Variants in BMPER observed in about 807,000 individuals in gnomAD.
BMPER encodes BMP-binding endothelial regulator protein.
In BMPER, 45 loss-of-function variants were observed where a neutral mutation model predicts 87.3. The ratio of observed to expected loss-of-function variants is 0.52; its 90% CI spans 0.41 to 0.66. The LOEUF (loss-of-function observed/expected upper bound fraction) is 0.66, where lower values mean the gene tolerates loss of function less well. Among genes scored for constraint, BMPER ranks in the 30% least tolerant of loss-of-function variants. BMPER has a pLI of 0.00. For synonymous variants in BMPER, 326 were observed against 316.2 expected, an observed-to-expected ratio of 1.03 and a Z score of -0.33; for missense variants, 784 against 867.5, an observed-to-expected ratio of 0.90 and a Z score of 1.21.
intron 7 of BMPER, among the ~76,000 whole-genome samples, chr7:34,047,707 C>T (rs1305569459): frequency 1.3e-5 from 2 of 151,122 alleles, no homozygotes; most frequent in Non-Finnish European, 2.9e-5. Flanking sequence ...TTAGAATCTC[C>T]AGGGATCCTT....
At chr7:33,988,168 A>G (rs1786065855) in intron 6 of BMPER, among the ~76,000 whole-genome samples, 2 of 151,932 alleles carry the variant, frequency 1.3e-5, no homozygotes, top group African/African-American at 4.8e-5. Context: ...CACATATTGG[A>G]TTATAGGGCT....
intron 13 of BMPER, among the ~76,000 whole-genome samples, chr7:34,140,885 T>C (rs1790848144): frequency 6.6e-6 from 1 of 152,192 alleles, no homozygotes; most frequent in Non-Finnish European, 1.5e-5. Context: ...ATATGTGCCA[T>C]CATTTTACCA....
At chr7:33,911,947 G>A (rs1330569274) in intron 2 of BMPER, among the ~76,000 whole-genome samples, 1 of 152,086 alleles carries the variant, frequency 6.6e-6, no homozygotes, top group Non-Finnish European at 1.5e-5. Context: ...AATAATGATG[G>A]CAAACCCACC....
rs564328018 is a variant in BMPER at position 34,076,800 on chromosome 7, C to G, written c.1079-2057C>G. Among the ~76,000 whole-genome samples, 5 of 152,200 alleles carry G rather than the reference C, an allele frequency of 3.3e-5. No homozygotes were observed. The East Asian group carries it at 9.7e-4, about 29-fold the overall frequency. ...GATTGCCACAGGAGAGTGTGGGCAGCAGGTTGTGGGCATTCCCTGTGCCTG... is the reference window on the plus strand; with the variant it reads ...GATTGCCACAGGAGAGTGTGGGCAGGAGGTTGTGGGCATTCCCTGTGCCTG... On this transcript the variant is annotated intron_variant, in intron 11 of 14. Transcript: ENST00000649409.
chr7:34,143,216 T>C lies in BMPER; in HGVS notation c.1746-14T>C, dbSNP rs764633391. ...TATTTTTAAATGTTTCTATCTCTCT[T>C]TTGGGTCCTATAGGTCCTGTGTGAC... On this transcript the variant is annotated splice_polypyrimidine_tract_variant and intron_variant, in intron 13 of 14. Transcript: ENST00000649409. 2.4e-5 allele frequency: 39 copies of C among 1,613,708 alleles called. No individual in the cohort carries two copies. The highest frequency in any genetic ancestry group is 3.3e-5 in the Admixed American group (2 of 59,980).
intron 6 of BMPER, among the ~76,000 whole-genome samples, chr7:34,026,918 G>C (rs1787372564): frequency 6.6e-6 from 1 of 152,114 alleles, no homozygotes; most frequent in Non-Finnish European, 1.5e-5. Flanking sequence ...GCCCATATTT[G>C]GCTGGCTCCG....
At chr7:33,908,947 A>G (rs1783885561) in intron 2 of BMPER, among the ~76,000 whole-genome samples, 5 of 152,158 alleles carry the variant, frequency 3.3e-5, no homozygotes, top group Admixed American at 2.6e-4. Flanking sequence ...ACTCTTGTAC[A>G]TTTCCACGAA....
chr7:33,946,834 A>G (rs1291899356), intron 3 of BMPER, among the ~76,000 whole-genome samples: 1 of 152,176 alleles, frequency 6.6e-6, no homozygotes, highest in African/African-American at 2.4e-5. Context: ...GTGTGCATGC[A>G]TTTGCGTTCC....
chr7:34,140,103 T>C (rs921530850), intron 13 of BMPER, among the ~76,000 whole-genome samples: 1 of 152,244 alleles, frequency 6.6e-6, no homozygotes. Flanking sequence ...GTTCTGGATC[T>C]GTGATCAGCC....
At chr7:34,145,327 A>G (rs1790988840) in intron 14 of BMPER, among the ~76,000 whole-genome samples, 1 of 152,072 alleles carries the variant, frequency 6.6e-6, no homozygotes, top group African/African-American at 2.4e-5. Context: ...CTCTGACTCC[A>G]TTTTGGTTGC....
chr7:34,137,211 T>C (rs553803716), intron 13 of BMPER, among the ~76,000 whole-genome samples: 12 of 152,294 alleles, frequency 7.9e-5, no homozygotes, highest in Non-Finnish European at 1.5e-4. Flanking sequence ...AAAATTCCTC[T>C]GGAGACAGGA....
upstream of BMPER, chr7:33,905,218 C>G (rs1409009984): frequency 6.5e-6 from 2 of 308,008 alleles, no homozygotes; most frequent in African/African-American, 4.5e-5. Flanking sequence ...GCAGCCCGGG[C>G]GGCGGCTGAG....
At chr7:34,150,113 C>T (rs1241420283) in intron 14 of BMPER, among the ~76,000 whole-genome samples, 1 of 152,104 alleles carries the variant, frequency 6.6e-6, no homozygotes, top group Non-Finnish European at 1.5e-5. Context: ...GACCTACAAC[C>T]AACGCTGAAA....
chr7:34,132,135 G>A (rs780185292), intron 13 of BMPER, among the ~76,000 whole-genome samples: 2 of 152,128 alleles, frequency 1.3e-5, no homozygotes, highest in Middle Eastern at 3.2e-3. Context: ...CTGCCTCTTC[G>A]AGTAGATTAT....
chr7:34,129,605 AGAGAAAGAGAGAG>A (rs1562761998), intron 13 of BMPER, among the ~76,000 whole-genome samples: 1,235 of 117,524 alleles, frequency 0.011, 12 homozygotes, highest in African/African-American at 0.02. Flanking sequence ...AGAGAGAGAG[AGAGAAAGAGAGAG>A]AGAGAGAAAG....
chr7:33,997,838 C>A (rs1226395163), intron 6 of BMPER, among the ~76,000 whole-genome samples: 1 of 152,154 alleles, frequency 6.6e-6, no homozygotes, highest in East Asian at 1.9e-4. Flanking sequence ...AATGAAGGAG[C>A]CAGATATGCT....
chr7:34,083,425 C>G (rs1297384334), intron 12 of BMPER, among the ~76,000 whole-genome samples: 2 of 152,178 alleles, frequency 1.3e-5, no homozygotes, highest in African/African-American at 4.8e-5. Context: ...AATTTCTTTT[C>G]TGAACTCAGA....
At chr7:34,062,471 C>T (rs561924935) in intron 11 of BMPER, among the ~76,000 whole-genome samples, 1 of 151,890 alleles carries the variant, frequency 6.6e-6, no homozygotes, top group Non-Finnish European at 1.5e-5. Context: ...CCTCACCCCA[C>T]CCCCACCTCA....
intron 5 of BMPER, among the ~76,000 whole-genome samples, chr7:33,971,106 T>A (rs577139174): frequency 6.6e-6 from 1 of 151,736 alleles, no homozygotes; most frequent in South Asian, 2.1e-4. Context: ...CTGCATTTTG[T>A]TTTTTTTGTT....
Sources: allele counts gnomAD v4.1 joint callset (sites outside exome capture counted in the v4.1 genomes callset), GRCh38; gene constraint gnomAD v4.1.1; transcripts MANE v1.5; gene names NCBI Gene and HGNC (gene_info 2026-07-23, HGNC 2026-07-21).